The following PRIMPOL variants were observed in gnomAD, a reference collection of about 807,000 sequenced individuals.
PRIMPOL encodes the protein primase and DNA directed polymerase.
PRIMPOL carries 54 observed loss-of-function variants against 63.6 expected under a neutral mutation model. The ratio of observed to expected loss-of-function variants is 0.85; its 90% CI spans 0.68 to 1.07. The LOEUF (loss-of-function observed/expected upper bound fraction) is 1.07, where lower values mean the gene tolerates loss of function less well. PRIMPOL is among the 50% of genes least tolerant of loss of function. The pLI is 0.00. For missense variants in PRIMPOL, 610 were observed against 648.3 expected (o/e 0.94, Z 0.64); for synonymous variants, 197 against 220.2 (o/e 0.89, Z 0.93).
rs185229693 is a variant in PRIMPOL at position 184,673,371 on chromosome 4, C to T, written c.844+911C>T. ...GTCTCGATCTCCTGACGTTGTCATC[C>T]GCCCGCCTCGGCCTCCCAAAGTACT... On this transcript the variant is annotated intron_variant, in intron 7 of 13. Transcript: ENST00000314970. 2.6e-3 allele frequency among the ~76,000 whole-genome samples: 395 copies of T among 151,672 alleles called. 3 individuals carry two copies. Among genetic ancestry groups the T allele is most frequent in the Admixed American group, 0.021 (313 of 15,214 alleles).
intron 4 of PRIMPOL, among the ~76,000 whole-genome samples, chr4:184,661,559 A>T (rs1390774221): frequency 6.6e-6 from 1 of 151,978 alleles, no homozygotes; most frequent in African/African-American, 2.4e-5. Flanking sequence ...TGCAAAAATT[A>T]ACCAGGCGTG....
At chr4:184,685,936 G>T (rs982410986) in intron 11 of PRIMPOL, among the ~76,000 whole-genome samples, 14 of 151,968 alleles carry the variant, frequency 9.2e-5, no homozygotes, top group Non-Finnish European at 1.5e-4. Flanking sequence ...TAAGTAGCTG[G>T]GATTACAGGC....
chr4:184,693,236 A>T (rs1759397105), intron 13 of PRIMPOL, among the ~76,000 whole-genome samples: 2 of 152,262 alleles, frequency 1.3e-5, no homozygotes, highest in African/African-American at 4.8e-5. Flanking sequence ...CCAGGTTAAA[A>T]TGTGTTTTGA....
rs1553985953 is a variant in PRIMPOL, at chr4:184,654,452, A to AGTTTTTTTTTTT, written c.-60+2353_-60+2364dup. On this transcript the variant is annotated intron_variant, in intron 2 of 13. Transcript: ENST00000314970. Reference sequence around the variant, plus strand: ...TCACTTTGTATTGACAAGTTAAAGCAGTTTTTTTTTTTTTTTGAGACAGAG... The same window carrying AGTTTTTTTTTTT: ...TCACTTTGTATTGACAAGTTAAAGCAGTTTTTTTTTTTGTTTTTTTTTTTTTTTGAGACAGAG... Among the ~76,000 whole-genome samples, 225 of 126,544 alleles carry AGTTTTTTTTTTT rather than the reference A, an allele frequency of 1.8e-3. 2 individuals are homozygous for AGTTTTTTTTTTT. Among genetic ancestry groups the AGTTTTTTTTTTT allele is most frequent in the Middle Eastern group, 4.5e-3 (1 of 224 alleles). 83.0% of individuals were successfully genotyped at this position (126,544 alleles called of 152,430 possible). A position where few individuals can be genotyped will look rare whatever the true frequency, so the allele number is the denominator to read the frequency against.
chr4:184,687,665 G>A (rs1481840966), intron 11 of PRIMPOL, among the ~76,000 whole-genome samples: 2 of 151,806 alleles, frequency 1.3e-5, no homozygotes, highest in Non-Finnish European at 2.9e-5. Flanking sequence ...CCCAGGCTGG[G>A]GTGCAATCGC....
intron 6 of PRIMPOL, among the ~76,000 whole-genome samples, chr4:184,671,688 T>C (rs1358045467): frequency 6.6e-6 from 1 of 152,058 alleles, no homozygotes. Context: ...GGTAAAAGAT[T>C]TCACAAAAGG....
At position 184,681,318 on chromosome 4, in the gene PRIMPOL, G is replaced by A. The variant is rs528468921; in HGVS notation, c.1008-930G>A. 3.3e-5 allele frequency among the ~76,000 whole-genome samples: 5 copies of A among 152,166 alleles called. No homozygotes were observed. The South Asian group carries it at 1.0e-3, about 32-fold the overall frequency. The stretch of plus-strand genomic sequence containing the variant: ...AATTCAAAGGCTCTTTGTGTTTGGT[G>A]AATAGAGTTATATAGTCGTCTCCTG... On this transcript the variant is annotated intron_variant, in intron 8 of 13. Transcript: ENST00000314970.
chr4:184,691,473 C>CTACTT lies in PRIMPOL; in HGVS notation c.1296-25_1296-24insACTTT. Reference sequence around the variant, plus strand: ...TTTCTACCCAGTCTTGGTATTAATACTTTTTTTTTTTTTTTAAACATAAAG... The same window carrying CTACTT: ...TTTCTACCCAGTCTTGGTATTAATACTACTTTTTTTTTTTTTTTTTAAACATAAAG... On this transcript the variant is annotated intron_variant, in intron 11 of 13. Coordinates refer to ENST00000314970, the MANE Select transcript of PRIMPOL (RefSeq NM_152683.4). The CTACTT allele has an allele frequency of 3.3e-6, 4 of 1,211,702 alleles. No homozygotes were observed. In the African/African-American group the frequency reaches 4.8e-5, roughly 15 times the overall value. 75.1% of individuals were successfully genotyped at this position (1,211,702 alleles called of 1,614,324 possible). A position where few individuals can be genotyped will look rare whatever the true frequency, so the allele number is the denominator to read the frequency against.
At chr4:184,690,882 G>GTTGT (rs1758342583) in intron 11 of PRIMPOL, among the ~76,000 whole-genome samples, 2 of 152,032 alleles carry the variant, frequency 1.3e-5, no homozygotes, top group Admixed American at 6.5e-5. Flanking sequence ...TGAACCATTG[G>GTTGT]TTGTTTCAAG....
chr4:184,659,569 T>G (rs1238471745), intron 4 of PRIMPOL, 132 bp downstream of exon 4: 1 of 697,246 alleles, frequency 1.4e-6, no homozygotes, highest in African/African-American at 1.8e-5. Flanking sequence ...CTCTTAGAAT[T>G]GAATTCTGGA....
At chr4:184,679,473 A>G (rs1304119815) in intron 8 of PRIMPOL, among the ~76,000 whole-genome samples, 1 of 152,230 alleles carries the variant, frequency 6.6e-6, no homozygotes, top group African/African-American at 2.4e-5. Flanking sequence ...TAAAATAAAT[A>G]AATAAATAAA....
At chr4:184,669,028 G>A (rs1390557720) in intron 6 of PRIMPOL, among the ~76,000 whole-genome samples, 1 of 152,120 alleles carries the variant, frequency 6.6e-6, no homozygotes, top group African/African-American at 2.4e-5. Context: ...TGCACTTGCT[G>A]ATGCTGCTGT....
At chr4:184,690,804 C>T (rs1219281432) in intron 11 of PRIMPOL, among the ~76,000 whole-genome samples, 2 of 152,212 alleles carry the variant, frequency 1.3e-5, no homozygotes, top group Admixed American at 1.3e-4. Context: ...CTGCATTTCA[C>T]ATATTTTAAT....
intron 5 of PRIMPOL, among the ~76,000 whole-genome samples, chr4:184,664,104 T>G (rs1579361611): frequency 6.6e-6 from 1 of 152,360 alleles, no homozygotes; most frequent in East Asian, 1.9e-4. Context: ...ACTTCTGGAT[T>G]TTATAATTTA....
intron 2 of PRIMPOL, among the ~76,000 whole-genome samples, chr4:184,653,442 A>G (rs1745305816): frequency 6.6e-6 from 1 of 152,250 alleles, no homozygotes; most frequent in Admixed American, 6.5e-5. Flanking sequence ...CCATGCTTAA[A>G]TAATCAAACA....
intron 5 of PRIMPOL, among the ~76,000 whole-genome samples, chr4:184,663,417 C>G (rs1477296125): frequency 6.6e-6 from 1 of 152,136 alleles, no homozygotes; most frequent in East Asian, 1.9e-4. Flanking sequence ...TGTGTAGTTT[C>G]TCCATGGGCT....
intron 7 of PRIMPOL, among the ~76,000 whole-genome samples, chr4:184,673,472 T>G (rs1005679234): frequency 1.5e-5 from 2 of 134,344 alleles, no homozygotes; most frequent in Non-Finnish European, 3.1e-5. Context: ...GTCACCAGGC[T>G]GGAGTGTGGT....
At chr4:184,668,723 A>T (rs370371575) in intron 6 of PRIMPOL, among the ~76,000 whole-genome samples, 1 of 152,130 alleles carries the variant, frequency 6.6e-6, no homozygotes, top group African/African-American at 2.4e-5. Flanking sequence ...TCCAGGGCTT[A>T]TGGTGTCAAA....
chr4:184,692,164 T>C (rs549506245), intron 13 of PRIMPOL, among the ~76,000 whole-genome samples: 6 of 152,172 alleles, frequency 3.9e-5, no homozygotes, highest in African/African-American at 1.4e-4. Context: ...ACGTGCATTG[T>C]AGAATGAATT....
Sources: gnomAD v4.1 joint callset for allele counts (sites outside exome capture counted in the v4.1 genomes callset) on GRCh38, gnomAD v4.1.1 for gene constraint, MANE v1.5 for transcripts, NCBI Gene and HGNC (gene_info 2026-07-23, HGNC 2026-07-21) for gene names.